Variants in NGEF observed in about 807,000 individuals in gnomAD.
NGEF encodes neuronal guanine nucleotide exchange factor.
A neutral mutation model predicts 80.9 loss-of-function variants in NGEF; 31 were observed. That is an observed-to-expected ratio of 0.38 (90% CI 0.29 to 0.52). The LOEUF is 0.52. Ranked by LOEUF, NGEF falls within the 20% of genes least tolerant of loss-of-function variation. NGEF has a pLI of 0.84. For missense variants in NGEF, 709 were observed against 926.2 expected (o/e 0.77, Z 3.04); for synonymous variants, 371 against 370.2 (o/e 1.00, Z -0.03).
intron 1 of NGEF, among the ~76,000 whole-genome samples, chr2:232,988,638 C>T (rs1294745953): frequency 2.0e-5 from 3 of 152,186 alleles, no homozygotes; most frequent in Admixed American, 2.0e-4. Flanking sequence ...ACTGGATCTG[C>T]CTGCACTGTA....
intron 5 of NGEF, among the ~76,000 whole-genome samples, chr2:232,911,070 TA>T (rs1692682729): frequency 6.6e-6 from 1 of 152,234 alleles, no homozygotes; most frequent in South Asian, 2.1e-4. Context: ...AACTCTTTGC[TA>T]ACCTCAGGTA....
chr2:232,879,364 G>C lies in NGEF; in HGVS notation c.*125C>G, dbSNP rs761339622. On this transcript the variant is annotated 3_prime_UTR_variant, in exon 15 of 15. Transcript: ENST00000264051. ...CACTGCGTGGGCAGGGATGAGGGCC[G>C]GGCACCCCAAGCCAGATCCTGCCAC... 1.0e-6 allele frequency: 1 copy of C among 956,818 alleles called. No individual in the cohort carries two copies. Among genetic ancestry groups the C allele is most frequent in the Middle Eastern group, 3.3e-4 (1 of 3,014 alleles). The allele number at this position is 956,818 out of a possible 1,614,324, so 59.3% of individuals were successfully genotyped here. A position where few individuals can be genotyped will look rare whatever the true frequency, so the allele number is the denominator to read the frequency against.
At position 232,969,476 on chromosome 2, in the gene NGEF, C is replaced by T. The variant is rs201894837; in HGVS notation, c.383+738G>A. On this transcript the variant is annotated intron_variant, in intron 3 of 14. Transcript: ENST00000264051. ...TTCCTTCCTTCCTTCCTTCCTTCTT[C>T]CTTCCTTCCTTCCTCCCTCCCTCCC... is the stretch of plus-strand genomic sequence containing the variant. Among the ~76,000 whole-genome samples the T allele has an allele frequency of 5.7e-3, 585 of 102,864 alleles. 5 individuals are homozygous for T. The highest frequency in any genetic ancestry group is 8.0e-3 in the Non-Finnish European group (402 of 50,288). The allele number at this position is 102,864 out of a possible 152,430, so 67.5% of individuals were successfully genotyped here.
rs1002622363 is a variant in NGEF, at chr2:232,893,170, G to A, written c.990-120C>T. On this transcript the variant is annotated intron_variant, in intron 6 of 14. Transcript: ENST00000264051. ...GGACATAGCAGTGTGCACGGTGAGC[G>A]TACAGGCCGACAAGATCCATCGGCA... 25 of 971,578 alleles carry A rather than the reference G, an allele frequency of 2.6e-5. No individual in the cohort carries two copies. The East Asian group carries it at 3.4e-4, about 13-fold the overall frequency. The allele number at this position is 971,578 out of a possible 1,614,324, so 60.2% of individuals were successfully genotyped here. A position where few individuals can be genotyped will look rare whatever the true frequency, so the allele number is the denominator to read the frequency against.
rs117042020 is a variant in NGEF, at chr2:232,947,487, C to T, written c.384-20301G>A. Among the ~76,000 whole-genome samples the T allele has an allele frequency of 0.011, 1,625 of 152,216 alleles. 44 individuals carry two copies. The East Asian group carries it at 0.13, about 12-fold the overall frequency. Reference sequence around the variant, plus strand: ...TGATCAGATTATGGGGGCGATTTCCCCCATGCTGTTCTTATGATAATGAGT... The same window carrying T: ...TGATCAGATTATGGGGGCGATTTCCTCCATGCTGTTCTTATGATAATGAGT... On this transcript the variant is annotated intron_variant, in intron 3 of 14. Transcript: ENST00000264051.
intron 6 of NGEF, 46 bp downstream of exon 6, chr2:232,894,710 G>A (rs1389506765): frequency 2.0e-6 from 3 of 1,492,030 alleles, no homozygotes; most frequent in African/African-American, 2.7e-5. Context: ...GTGCCCTGGG[G>A]ATGAAGAAGG....
At chr2:232,970,186 G>T in intron 3 of NGEF, 28 bp downstream of exon 3, 1 of 1,349,194 alleles carries the variant, frequency 7.4e-7, no homozygotes. Flanking sequence ...TCCCAGACCA[G>T]CATTCCTCAT....
At chr2:232,972,283 AG>A (rs1694209664) in intron 2 of NGEF, among the ~76,000 whole-genome samples, 1 of 152,232 alleles carries the variant, frequency 6.6e-6, no homozygotes, top group Non-Finnish European at 1.5e-5. Flanking sequence ...TGCAAAAAAA[AG>A]GAATGTAAAC....
intron 1 of NGEF, among the ~76,000 whole-genome samples, chr2:232,984,941 C>T (rs6719152): frequency 0.1 from 15,812 of 152,014 alleles, 2,728 homozygotes; most frequent in African/African-American, 0.36. Flanking sequence ...GTTGAATGAA[C>T]GAAAAGCAGG....
rs765603135 is a variant in NGEF, at chr2:232,927,115, G to A, written c.455C>T (p.Thr152Met). 9.3e-6 allele frequency: 15 copies of A among 1,613,178 alleles called. No individual in the cohort carries two copies. Among genetic ancestry groups the A allele is most frequent in the Admixed American group, 1.7e-5 (1 of 59,916 alleles). Residue 152 changes from threonine (T) to methionine (M), a missense_variant, in exon 4 of 15, where the codon ACG becomes ATG. Thr to Met is a moderately conservative substitution (Grantham distance 81). Around this residue, in one of 2 missense-constraint regions of NGEF, gnomAD observed 283 missense variants for 303.4 expected, o/e 0.93. Coordinates refer to ENST00000264051, the MANE Select transcript of NGEF (RefSeq NM_019850.3). ...GATCATCCGCAGGGCCTCGGTGAGC[G>A]TGGTGGGGCTGTCGGCCAGGGCCGG... ...EWPALADSPT[T>M]LTEALRMIHP...
intron 1 of NGEF, among the ~76,000 whole-genome samples, chr2:233,006,195 C>T (rs1401776774): frequency 6.6e-6 from 1 of 152,236 alleles, no homozygotes; most frequent in African/African-American, 2.4e-5. Context: ...AGTGATGGAG[C>T]TCTAGCTCTA....
rs533802677 is a variant in NGEF, at chr2:232,936,969, A to T, written c.384-9783T>A. Among the ~76,000 whole-genome samples, 8 of 151,806 alleles carry T rather than the reference A, an allele frequency of 5.3e-5. No homozygotes were observed. In the East Asian group the frequency reaches 1.6e-3, roughly 29 times the overall value. On this transcript the variant is annotated intron_variant, in intron 3 of 14. Transcript: ENST00000264051. ...TCTCTAATCTGATTTATTTTATTTT[A>T]TTTATTTATTTATTTTTGAGATGGA...
At chr2:232,975,498 C>T (rs1051127819) in intron 1 of NGEF, among the ~76,000 whole-genome samples, 3 of 152,126 alleles carry the variant, frequency 2.0e-5, no homozygotes, top group Non-Finnish European at 2.9e-5. Flanking sequence ...GATGTATGGC[C>T]GTGGTGGAAG....
chr2:233,001,343 G>A (rs1476318968), intron 1 of NGEF, among the ~76,000 whole-genome samples: 1 of 152,214 alleles, frequency 6.6e-6, no homozygotes, highest in African/African-American at 2.4e-5. Context: ...TCTCTCAAGT[G>A]TGCAGTGCTA....
chr2:232,891,165 G>A (rs1235020369), intron 8 of NGEF, among the ~76,000 whole-genome samples, 193 bp downstream of exon 8: 1 of 152,234 alleles, frequency 6.6e-6, no homozygotes, highest in African/African-American at 2.4e-5. Flanking sequence ...GCATGGTTCG[G>A]TCTCTCCCCT....
chr2:233,011,900 T>C lies in NGEF; in HGVS notation c.-75+1168A>G, dbSNP rs551328447. 2.6e-5 allele frequency among the ~76,000 whole-genome samples: 4 copies of C among 152,080 alleles called. No homozygotes were observed. The South Asian group carries it at 6.2e-4, about 24-fold the overall frequency. On this transcript the variant is annotated intron_variant, in intron 1 of 14. Coordinates refer to ENST00000264051, the MANE Select transcript of NGEF (RefSeq NM_019850.3). Reference sequence around the variant, plus strand: ...CCCTGGGAGGGGTTCCCATGACAATTTGGGCTCCAGAAAGGGATGTGGGAG... The same window carrying C: ...CCCTGGGAGGGGTTCCCATGACAATCTGGGCTCCAGAAAGGGATGTGGGAG...
At chr2:232,946,429 T>C (rs920690974) in intron 3 of NGEF, among the ~76,000 whole-genome samples, 3 of 152,152 alleles carry the variant, frequency 2.0e-5, no homozygotes, top group African/African-American at 7.2e-5. Context: ...CAATAACCTA[T>C]GGAAATAAAA....
Position 232,884,156 on chromosome 2 carries a change from A to C in NGEF, c.1438-12T>G, listed in dbSNP as rs764142015. On this transcript the variant is annotated splice_polypyrimidine_tract_variant and intron_variant, in intron 10 of 14. Transcript: ENST00000264051. ...ATGATGGGCACCGACTGCAGCGGGG[A>C]AAGGGCATCAGGCAGGCTGTGCCCA... is the stretch of plus-strand genomic sequence containing the variant. 11 of 1,582,450 alleles carry C rather than the reference A, an allele frequency of 7.0e-6. No homozygotes were observed. The South Asian group carries it at 1.3e-4, about 18-fold the overall frequency.
At chr2:232,939,127 G>A (rs112138781) in intron 3 of NGEF, among the ~76,000 whole-genome samples, 2 of 141,588 alleles carry the variant, frequency 1.4e-5, no homozygotes, top group Non-Finnish European at 3.0e-5. Flanking sequence ...GCAGTGAGCC[G>A]AGATTGCGCC....
Sources: gnomAD v4.1 joint callset for allele counts (sites outside exome capture counted in the v4.1 genomes callset) on GRCh38, gnomAD v4.1.1 for gene constraint, gnomAD v4.1.1 regional missense constraint, MANE v1.5 for transcripts, NCBI Gene and HGNC (gene_info 2026-07-23, HGNC 2026-07-21) for gene names.